LHFPL7: variants seen among roughly 807,000 people sequenced by gnomAD.
LHFPL7 encodes LHFPL tetraspan subfamily member 7, also known as LHFPL tetraspan subfamily member 7 protein.
At chr22:24,942,164 T>C in the LHFPL7 span, among the ~76,000 whole-genome samples, 1 of 151,408 alleles carries the variant, frequency 6.6e-6, no homozygotes, top group Non-Finnish European at 1.5e-5. Context: ...CCGGCTAATT[T>C]TTTGTATTTT....
At chr22:24,938,568 G>A in the LHFPL7 span, among the ~76,000 whole-genome samples, 3 of 152,162 alleles carry the variant, frequency 2.0e-5, no homozygotes, top group South Asian at 4.1e-4. Context: ...AGAACACATG[G>A]GTAATTAAGT....
At chr22:24,938,046 G>A in the LHFPL7 span, 12 of 1,494,598 alleles carry the variant, frequency 8.0e-6, no homozygotes, top group Middle Eastern at 1.8e-4. Context: ...GGTCTGACCC[G>A]AGAGGCCAGG....
At chr22:24,945,056 C>T in the LHFPL7 span, among the ~76,000 whole-genome samples, 1 of 152,076 alleles carries the variant, frequency 6.6e-6, no homozygotes, top group African/African-American at 2.4e-5. Context: ...GATCTGCCCG[C>T]CTTGGCCTCC....
the LHFPL7 span, among the ~76,000 whole-genome samples, chr22:24,936,109 A>C: frequency 6.6e-5 from 10 of 151,582 alleles, no homozygotes; most frequent in African/African-American, 1.5e-4. Context: ...TTATCCACCT[A>C]CTCACTCACT....
the LHFPL7 span, among the ~76,000 whole-genome samples, chr22:24,946,080 C>T: frequency 1.3e-5 from 2 of 152,136 alleles, no homozygotes; most frequent in African/African-American, 2.4e-5. Context: ...AAGGCCAAGG[C>T]GGGAGGATCA....
the LHFPL7 span, among the ~76,000 whole-genome samples, chr22:24,941,932 TG>T: frequency 7.9e-5 from 12 of 152,064 alleles, no homozygotes; most frequent in Non-Finnish European, 1.8e-4. Context: ...CCTAAAGTGC[TG>T]GGATTACACG....
chr22:24,936,011 C>T, the LHFPL7 span, among the ~76,000 whole-genome samples: 1 of 152,008 alleles, frequency 6.6e-6, no homozygotes, highest in African/African-American at 2.4e-5. Flanking sequence ...ATTCATTGTT[C>T]ATCCATCCAC....
chr22:24,943,823 A>G, the LHFPL7 span, among the ~76,000 whole-genome samples: 1 of 152,148 alleles, frequency 6.6e-6, no homozygotes, highest in South Asian at 2.1e-4. Context: ...AAGCCATACA[A>G]AGGCAGAATC....
the LHFPL7 span, among the ~76,000 whole-genome samples, chr22:24,936,921 G>A: frequency 2.6e-4 from 17 of 64,890 alleles, no homozygotes; most frequent in Middle Eastern, 0.014. Context: ...CGCCCCCCCC[G>A]CCGCCCAACA....
the LHFPL7 span, among the ~76,000 whole-genome samples, chr22:24,942,520 G>T: frequency 6.6e-6 from 1 of 152,180 alleles, no homozygotes; most frequent in East Asian, 1.9e-4. Context: ...AGCCAGCTTT[G>T]CCAGGCACCT....
chr22:24,946,065 T>C, the LHFPL7 span, among the ~76,000 whole-genome samples: 3 of 152,172 alleles, frequency 2.0e-5, no homozygotes, highest in African/African-American at 7.2e-5. Flanking sequence ...ATCCCAGCAC[T>C]TTGCAAGGCC....
At chr22:24,945,087 T>C in the LHFPL7 span, among the ~76,000 whole-genome samples, 2 of 152,104 alleles carry the variant, frequency 1.3e-5, no homozygotes, top group Non-Finnish European at 2.9e-5. Context: ...GGATTACAGG[T>C]GTGAGCCACC....
At chr22:24,936,219 C>T in the LHFPL7 span, among the ~76,000 whole-genome samples, 1 of 152,112 alleles carries the variant, frequency 6.6e-6, no homozygotes, top group African/African-American at 2.4e-5. Context: ...TATTTATTCA[C>T]TCATCCATTC....
At chr22:24,935,503 C>G in the LHFPL7 span, 1 of 1,613,944 alleles carries the variant, frequency 6.2e-7, no homozygotes, top group African/African-American at 1.3e-5. Flanking sequence ...CACTTCCCAC[C>G]ATAATACATG....
At chr22:24,941,742 C>T in the LHFPL7 span, among the ~76,000 whole-genome samples, 1 of 149,948 alleles carries the variant, frequency 6.7e-6, no homozygotes, top group Non-Finnish European at 1.5e-5. Flanking sequence ...GCGATCTCAG[C>T]TCACGTAACC....
At chr22:24,936,830 G>C in the LHFPL7 span, among the ~76,000 whole-genome samples, 2,336 of 152,236 alleles carry the variant, frequency 0.015, 36 homozygotes, top group Non-Finnish European at 0.023. Flanking sequence ...CACTGGGTCA[G>C]GTGTTTCCTG....
chr22:24,942,245 C>T, the LHFPL7 span, among the ~76,000 whole-genome samples: 743 of 152,302 alleles, frequency 4.9e-3, 6 homozygotes, highest in African/African-American at 0.017. Flanking sequence ...CCACCCGCCT[C>T]GGCCTCCCAA....
At chr22:24,937,695 C>T in the LHFPL7 span, among the ~76,000 whole-genome samples, 1 of 152,178 alleles carries the variant, frequency 6.6e-6, no homozygotes, top group Non-Finnish European at 1.5e-5. Context: ...CTAGTATATT[C>T]AAAAGCTATG....
At chr22:24,940,706 T>G in the LHFPL7 span, among the ~76,000 whole-genome samples, 1 of 25,730 alleles carries the variant, frequency 3.9e-5, no homozygotes, top group Non-Finnish European at 6.1e-5. Context: ...CCTCCTTCCC[T>G]CCTTCCCTTT....
Sources: allele counts gnomAD v4.1 joint callset (sites outside exome capture counted in the v4.1 genomes callset), GRCh38; gene constraint gnomAD v4.1.1; transcripts MANE v1.5; gene names NCBI Gene and HGNC (gene_info 2026-07-23, HGNC 2026-07-21).